Variants in SPATC1 observed in about 807,000 individuals in gnomAD.
SPATC1 encodes speriolin.
Under a neutral mutation model 36.5 loss-of-function variants are expected in SPATC1, and 35 were observed. That is an observed-to-expected ratio of 0.96 (90% CI 0.73 to 1.27). SPATC1 has a LOEUF of 1.27. Among genes scored for constraint, SPATC1 ranks in the 50% most tolerant of loss-of-function variants. SPATC1 has a pLI of 0.00. For synonymous variants in SPATC1, 361 were observed against 353.6 expected (o/e 1.02, Z -0.24); for missense variants, 779 against 796.0 (o/e 0.98, Z 0.26).
At chr8:144,035,920 G>T (rs1834889280) in intron 1 of SPATC1, among the ~76,000 whole-genome samples, 2 of 152,138 alleles carry the variant, frequency 1.3e-5, no homozygotes, top group African/African-American at 4.8e-5. Flanking sequence ...GGAATTGGAG[G>T]CCAAGCAGGA....
chr8:144,039,975 C>T lies in SPATC1; in HGVS notation c.278C>T (p.Ala93Val), dbSNP rs143652675. ...GTCCTCGAAGAAGTGGGGATCATGG[C>T]CTTGGCACCCCTGGCCGAGATGCTA... ...ERVLEEVGIM[A>V]LAPLAEMLTS... The change falls in exon 2 of 5, where the codon GCC becomes GTC. Residue 93 changes from alanine to valine, a missense_variant. Physicochemically the swap from Ala to Val is moderately conservative, Grantham distance 64. Coordinates refer to ENST00000377470, the MANE Select transcript of SPATC1 (RefSeq NM_198572.3). The T allele has an allele frequency of 1.2e-6, 2 of 1,614,002 alleles. No homozygotes were observed. Among genetic ancestry groups the T allele is most frequent in the Non-Finnish European group, 1.7e-6 (2 of 1,179,994 alleles).
At chr8:144,035,699 C>T (rs1834884995) in intron 1 of SPATC1, among the ~76,000 whole-genome samples, 1 of 152,250 alleles carries the variant, frequency 6.6e-6, no homozygotes, top group Non-Finnish European at 1.5e-5. Flanking sequence ...CCCTCCACAG[C>T]GGCCACCTTC....
intron 1 of SPATC1, among the ~76,000 whole-genome samples, chr8:144,017,729 CAGTT>C (rs1420258035): frequency 6.6e-6 from 1 of 152,192 alleles, no homozygotes; most frequent in African/African-American, 2.4e-5. Context: ...AGTAGTTTAA[CAGTT>C]AGCCTGAGTG....
intron 1 of SPATC1, among the ~76,000 whole-genome samples, chr8:144,022,574 C>A (rs1834557917): frequency 7.3e-6 from 1 of 137,074 alleles, no homozygotes; most frequent in Non-Finnish European, 1.6e-5. Flanking sequence ...CCTCTTCCCT[C>A]AGGACCCTCT....
At position 144,035,797 on chromosome 8, in the gene SPATC1, G is replaced by A. The variant is rs1834886795; in HGVS notation, c.212-4112G>A. On this transcript the variant is annotated intron_variant, in intron 1 of 4. Coordinates refer to ENST00000377470, the MANE Select transcript of SPATC1 (RefSeq NM_198572.3). ...CATTAGGACCACCGGCGCTCCTTAG[G>A]CTGCCCTGGCTGTGCGGGGACAGTG... Among the ~76,000 whole-genome samples the A allele has an allele frequency of 2.6e-5, 4 of 152,324 alleles. No homozygotes were observed. The South Asian group carries it at 8.3e-4, about 32-fold the overall frequency.
chr8:144,027,995 A>G (rs1834719962), intron 1 of SPATC1, among the ~76,000 whole-genome samples: 1 of 152,156 alleles, frequency 6.6e-6, no homozygotes, highest in African/African-American at 2.4e-5. Context: ...TCTATCAAAA[A>G]AAAAAAGATT....
chr8:144,032,924 T>G (rs1235593132), intron 1 of SPATC1, among the ~76,000 whole-genome samples: 1 of 152,020 alleles, frequency 6.6e-6, no homozygotes, highest in Non-Finnish European at 1.5e-5. Context: ...GAATACGGTC[T>G]TTATAAAAGC....
At chr8:144,014,102 G>C (rs1587482717) in intron 1 of SPATC1, among the ~76,000 whole-genome samples, 1 of 151,896 alleles carries the variant, frequency 6.6e-6, no homozygotes, top group South Asian at 2.1e-4. Context: ...AATACAAAAA[G>C]TTAGCCAGGC....
intron 4 of SPATC1, among the ~76,000 whole-genome samples, chr8:144,042,506 G>A (rs2129666958): frequency 6.6e-6 from 1 of 151,306 alleles, no homozygotes; most frequent in South Asian, 2.1e-4. Context: ...ATTTTTAGTA[G>A]AGACGGGGTT....
rs953301098 is a variant in SPATC1 at position 144,032,626 on chromosome 8, C to T, written c.212-7283C>T. On this transcript the variant is annotated intron_variant, in intron 1 of 4. Transcript: ENST00000377470. ...AAACTGGACATTTTAAATATTATAA[C>T]GTGGTGACTCTGGAAATAAGATTAT... Among the ~76,000 whole-genome samples, 58 of 152,194 alleles carry T rather than the reference C, an allele frequency of 3.8e-4. 1 individual carries two copies. In the East Asian group the frequency reaches 0.01, roughly 27 times the overall value.
intron 1 of SPATC1, among the ~76,000 whole-genome samples, chr8:144,029,050 C>T (rs1287703756): frequency 1.3e-5 from 2 of 151,308 alleles, no homozygotes; most frequent in South Asian, 2.1e-4. Context: ...TGTGGCCTGT[C>T]GGAGGGGTTG....
At chr8:144,031,606 T>C (rs1834797715) in intron 1 of SPATC1, among the ~76,000 whole-genome samples, 1 of 151,930 alleles carries the variant, frequency 6.6e-6, no homozygotes, top group Non-Finnish European at 1.5e-5. Context: ...GAGTTTATTC[T>C]ACTTGGAGTT....
At chr8:144,044,734 G>A (rs967072708) in intron 4 of SPATC1, among the ~76,000 whole-genome samples, 16 of 151,858 alleles carry the variant, frequency 1.1e-4, no homozygotes, top group Admixed American at 2.0e-4. Flanking sequence ...ATCACCTGAG[G>A]TCAGGAGTTT....
intron 1 of SPATC1, among the ~76,000 whole-genome samples, chr8:144,020,248 C>T (rs1166381726): frequency 4.6e-5 from 7 of 151,436 alleles, no homozygotes; most frequent in Non-Finnish European, 8.8e-5. Flanking sequence ...GGACACTCTT[C>T]CCTGAAGACC....
Position 144,040,434 on chromosome 8 carries a change from C to A in SPATC1, c.737C>A (p.Ala246Asp). The change falls in exon 2 of 5, where the codon GCT (alanine) becomes GAT (aspartate). Residue 246 changes from alanine to aspartate, a missense_variant. Ala to Asp is a moderately radical substitution (Grantham distance 126). Coordinates refer to ENST00000377470, the MANE Select transcript of SPATC1 (RefSeq NM_198572.3). Reference sequence around the variant, plus strand: ...GGCCCCACTGGGCCCCAGTCCCCAGCTTGCGTGGTACCCACTGCCACCACC... The same window carrying A: ...GGCCCCACTGGGCCCCAGTCCCCAGATTGCGTGGTACCCACTGCCACCACC... ...RGGPTGPQSP[A>D]CVVPTATTKV... 9.3e-6 allele frequency: 15 copies of A among 1,605,504 alleles called. No individual in the cohort carries two copies. Among genetic ancestry groups the A allele is most frequent in the Non-Finnish European group, 1.3e-5 (15 of 1,176,524 alleles).
chr8:144,021,006 C>A (rs1210103941), intron 1 of SPATC1, among the ~76,000 whole-genome samples: 1 of 87,812 alleles, frequency 1.1e-5, no homozygotes, highest in African/African-American at 4.7e-5. Context: ...TCTTCCCTGA[C>A]AACCTCCTTC....
At chr8:144,023,136 C>T (rs1455069882) in intron 1 of SPATC1, among the ~76,000 whole-genome samples, 4,742 of 104,714 alleles carry the variant, frequency 0.045, 277 homozygotes, top group African/African-American at 0.15. Context: ...CCCTCTCCCC[C>T]CAGGACCCTC....
rs1835266630 is a variant in SPATC1 at position 144,046,547 on chromosome 8, C to T, written c.1447-80C>T. ...GATCCTGGCCATCTCACAGCCTCAC[C>T]TGCCCCTCGGTCTTCCCCTTACCTG... is the stretch of plus-strand genomic sequence containing the variant. On this transcript the variant is annotated intron_variant, in intron 4 of 4. Transcript: ENST00000377470. The surrounding 1 kb of genome is among the most constrained non-coding windows in gnomAD (Gnocchi z 6.6). 1 of 1,342,236 alleles carries T rather than the reference C, an allele frequency of 7.5e-7. No individual in the cohort carries two copies. The highest frequency in any genetic ancestry group is 1.0e-6 in the Non-Finnish European group (1 of 971,578). 83.1% of individuals were successfully genotyped at this position (1,342,236 alleles called of 1,614,324 possible).
intron 1 of SPATC1, among the ~76,000 whole-genome samples, chr8:144,034,844 A>G (rs934690120): frequency 1.6e-4 from 25 of 152,194 alleles, no homozygotes; most frequent in Non-Finnish European, 3.4e-4. Context: ...GCTGGTCTCA[A>G]TCTCCTGACC....
Sources: gnomAD v4.1 joint callset for allele counts (sites outside exome capture counted in the v4.1 genomes callset) on GRCh38, gnomAD v4.1.1 for gene constraint, Gnocchi (gnomAD v3.1) non-coding constraint, MANE v1.5 for transcripts, NCBI Gene and HGNC (gene_info 2026-07-23, HGNC 2026-07-21) for gene names.